DONSON: variants seen among roughly 807,000 people sequenced by gnomAD.
DONSON encodes the protein DNA replication fork stabilization factor DONSON.
Under a neutral mutation model 62.1 loss-of-function variants are expected in DONSON, and 43 were observed. The observed-to-expected ratio is 0.69, with a 90% CI of 0.54 to 0.89. The LOEUF is 0.89. Ranked by LOEUF, DONSON falls within the 40% of genes least tolerant of loss-of-function variation. DONSON has a pLI of 0.00. For synonymous variants in DONSON, 266 were observed against 264.6 expected, an observed-to-expected ratio of 1.01 and a Z score of -0.05; for missense variants, 696 against 697.5, an observed-to-expected ratio of 1.00 and a Z score of 0.03.
At chr21:33,586,793 C>T (rs1016056389) in intron 2 of DONSON, among the ~76,000 whole-genome samples, 4 of 152,068 alleles carry the variant, frequency 2.6e-5, no homozygotes, top group Non-Finnish European at 5.9e-5. Flanking sequence ...CCCCACCACG[C>T]CTGGCTAATT....
intron 1 of DONSON, 143 bp downstream of exon 1, chr21:33,588,178 G>T: frequency 1.6e-6 from 1 of 623,032 alleles, no homozygotes; most frequent in Non-Finnish European, 2.3e-6. Context: ...CTCCCAGGGC[G>T]GGGTACCCTA....
chr21:33,578,349 C>G lies in DONSON; in HGVS notation c.1659G>C (p.Arg553=), dbSNP rs758034238. The G allele has an allele frequency of 1.2e-6, 2 of 1,614,040 alleles. No individual in the cohort carries two copies. The highest frequency in any genetic ancestry group is 1.7e-6 in the Non-Finnish European group (2 of 1,179,960). ...AAATGTAGTCTCTCAGCACCACATT[C>G]CGTAAAGATGATTTCCCAAGTAACG... ...QIPLLGKSSL[R]NVVLRDYIYN... Residue 553 remains arginine (R), a synonymous_variant, in exon 10 of 10, where the codon CGG becomes CGC. Transcript: ENST00000303071.
chr21:33,581,432 T>C lies in DONSON; in HGVS notation c.1220A>G (p.Asn407Ser), dbSNP rs2086510115. 3.7e-6 allele frequency: 6 copies of C among 1,613,984 alleles called. No homozygotes were observed. The African/African-American group carries it at 6.7e-5, about 18-fold the overall frequency. Reference sequence around the variant, plus strand: ...CAAAAAATTGAGCAATGTAAAGGTGTTGATTCCTTTTACCAACACAACAGA... The same window carrying C: ...CAAAAAATTGAGCAATGTAAAGGTGCTGATTCCTTTTACCAACACAACAGA... ...PESVVLVKGI[N>S]TFTLLNFLIN... Residue 407 changes from asparagine (N) to serine (S), a missense_variant, in exon 8 of 10, where the codon AAC (asparagine) becomes AGC (serine). By Grantham distance (46) the Asn-to-Ser change is conservative. Coordinates refer to ENST00000303071, the MANE Select transcript of DONSON (RefSeq NM_017613.4).
At position 33,588,472 on chromosome 21, in the gene DONSON, G is replaced by T; in HGVS notation, c.170C>A (p.Pro57His). 1 of 1,278,292 alleles carries T rather than the reference G, an allele frequency of 7.8e-7. No homozygotes were observed. Among genetic ancestry groups the T allele is most frequent in the Non-Finnish European group, 9.9e-7 (1 of 1,013,904 alleles). 79.2% of individuals were successfully genotyped at this position (1,278,292 alleles called of 1,614,324 possible). ...GCCTCTGCCCCCCGCAGCAGGGAAAGGGCGAAGAGGCAGCCCCGCCACCAG... is the reference window on the plus strand; with the variant it reads ...GCCTCTGCCCCCCGCAGCAGGGAAATGGCGAAGAGGCAGCCCCGCCACCAG... ...AALVAGLPLR[P>H]FPAAGGRGGG... Residue 57 changes from proline (P) to histidine (H), a missense_variant, in exon 1 of 10, where the codon CCT becomes CAT. Physicochemically the swap from Pro to His is moderately conservative, Grantham distance 77. Coordinates refer to ENST00000303071, the MANE Select transcript of DONSON (RefSeq NM_017613.4).
At chr21:33,586,260 G>A in intron 2 of DONSON, 79 bp from the exon 3 acceptor site, 1 of 1,150,744 alleles carries the variant, frequency 8.7e-7, no homozygotes, top group Non-Finnish European at 1.3e-6. Context: ...CAGCTAACAT[G>A]ATCACTGAAA....
intron 2 of DONSON, among the ~76,000 whole-genome samples, chr21:33,586,737 C>T (rs2086581285): frequency 6.6e-6 from 1 of 151,934 alleles, no homozygotes; most frequent in African/African-American, 2.4e-5. Flanking sequence ...TAGGATCAAG[C>T]GATTCTCGTG....
At position 33,581,442 on chromosome 21, in the gene DONSON, T is replaced by G. The variant is rs1231497130; in HGVS notation, c.1210A>C (p.Lys404Gln). 3.1e-6 allele frequency: 5 copies of G among 1,613,924 alleles called. No homozygotes were observed. The highest frequency in any genetic ancestry group is 4.2e-6 in the Non-Finnish European group (5 of 1,179,924). ...AGCAATGTAAAGGTGTTGATTCCTTTTACCAACACAACAGATTCAGGTCTG... is the reference window on the plus strand; with the variant it reads ...AGCAATGTAAAGGTGTTGATTCCTTGTACCAACACAACAGATTCAGGTCTG... ...DHRPESVVLV[K>Q]GINTFTLLNF... Residue 404 changes from lysine to glutamine, a missense_variant, in exon 8 of 10, where the codon AAA becomes CAA. Lys to Gln is a moderately conservative substitution (Grantham distance 53). Coordinates refer to ENST00000303071, the MANE Select transcript of DONSON (RefSeq NM_017613.4).
Position 33,578,249 on chromosome 21 carries a change from A to C in DONSON, c.*58T>G. On this transcript the variant is annotated 3_prime_UTR_variant, in exon 10 of 10. Coordinates refer to ENST00000303071, the MANE Select transcript of DONSON (RefSeq NM_017613.4). ...TATTCCTTCAACTTCAAGAATCTTG[A>C]ATTTCCTTGCTAGAAGGCTTTTTTC... 1 of 1,558,866 alleles carries C rather than the reference A, an allele frequency of 6.4e-7. No individual in the cohort carries two copies. The highest frequency in any genetic ancestry group is 8.7e-7 in the Non-Finnish European group (1 of 1,147,852).
rs770754614 is a variant in DONSON, at chr21:33,587,651, G to T, written c.322-49C>A. On this transcript the variant is annotated intron_variant, in intron 1 of 9. Coordinates refer to ENST00000303071, the MANE Select transcript of DONSON (RefSeq NM_017613.4). Reference sequence around the variant, plus strand: ...TAAAATTTAAAGGATGCTGAAGTTTGCGTTAAATATGTACAGAGCCTCACC... The same window carrying T: ...TAAAATTTAAAGGATGCTGAAGTTTTCGTTAAATATGTACAGAGCCTCACC... 16 of 1,346,242 alleles carry T rather than the reference G, an allele frequency of 1.2e-5. No homozygotes were observed. The Middle Eastern group carries it at 9.5e-4, about 80-fold the overall frequency. The allele number at this position is 1,346,242 out of a possible 1,614,324, so 83.4% of individuals were successfully genotyped here.
chr21:33,581,837 A>T, intron 7 of DONSON, 114 bp downstream of exon 7: 1 of 945,390 alleles, frequency 1.1e-6, no homozygotes, highest in Non-Finnish European at 1.6e-6. Flanking sequence ...AATTAGTTTT[A>T]ATATGACCTG....
rs753040226 is a variant in DONSON at position 33,588,572 on chromosome 21, T to C, written c.70A>G (p.Lys24Glu). 7.2e-6 allele frequency: 9 copies of C among 1,254,640 alleles called. No individual in the cohort carries two copies. The South Asian group carries it at 2.1e-4, about 29-fold the overall frequency. The allele number at this position is 1,254,640 out of a possible 1,614,324, so 77.7% of individuals were successfully genotyped here. ...KPPEVVRLRRKRARSRGAAAS... is the reference protein window; with the variant it reads ...KPPEVVRLRRERARSRGAAAS... ...GCAGCTCCACGGCTCCGGGCCCTTT[T>C]CCGTCGGAGCCGCACTACCTCGGGC... is the stretch of plus-strand genomic sequence containing the variant. Residue 24 changes from lysine to glutamate, a missense_variant, in exon 1 of 10, where the codon AAA (lysine) becomes GAA (glutamate). By Grantham distance (56) the Lys-to-Glu change is moderately conservative. Transcript: ENST00000303071.
At chr21:33,580,756 C>T (rs2086498600) in intron 8 of DONSON, among the ~76,000 whole-genome samples, 1 of 151,950 alleles carries the variant, frequency 6.6e-6, no homozygotes, top group South Asian at 2.1e-4. Context: ...GTGGTGCCCA[C>T]CTGTAACCCC....
chr21:33,588,631 G>C lies in DONSON; in HGVS notation c.11C>G (p.Ser4Trp), dbSNP rs1470564008. 8.1e-7 allele frequency: 1 copy of C among 1,239,966 alleles called. No homozygotes were observed. The highest frequency in any genetic ancestry group is 1.6e-5 in the African/African-American group (1 of 64,088). The allele number at this position is 1,239,966 out of a possible 1,614,324, so 76.8% of individuals were successfully genotyped here. Reference protein sequence around the residue: MALSVPGYSPGFRK... With the variant: MALWVPGYSPGFRK... ...GAAGCCCGGTGAGTAGCCGGGCACC[G>C]AAAGGGCCATGACGCGCGGCGGCTG... The change falls in exon 1 of 10, where the codon TCG (serine) becomes TGG (tryptophan). Residue 4 changes from serine to tryptophan, a missense_variant. By Grantham distance (177) the Ser-to-Trp change is radical. Coordinates refer to ENST00000303071, the MANE Select transcript of DONSON (RefSeq NM_017613.4).
At position 33,577,601 on chromosome 21, in the gene DONSON, CCCTACACA is replaced by C. The variant is rs2086431764; in HGVS notation, c.*698_*705del. 9.0e-6 allele frequency: 1 copy of C among 111,684 alleles called. No individual in the cohort carries two copies. The highest frequency in any genetic ancestry group is 3.4e-5 in the African/African-American group (1 of 29,246). The allele number at this position is 111,684 out of a possible 1,614,324, so 6.9% of individuals were successfully genotyped here. A position where few individuals can be genotyped will look rare whatever the true frequency, so the allele number is the denominator to read the frequency against. ...TAAAAATGTGAATTATACAGTCCCC[CCCTACACA>C]CACACACACACACACACACACACAC... On this transcript the variant is annotated 3_prime_UTR_variant, in exon 10 of 10. Coordinates refer to ENST00000303071, the MANE Select transcript of DONSON (RefSeq NM_017613.4).
chr21:33,588,671 C>A lies in DONSON; in HGVS notation c.-30G>T, dbSNP rs2086611466. ...CGCGGCGGCTGAGGGTAGCCGGCCG[C>A]CCTACAGAGACTTCCCGCGCGCGCC... On this transcript the variant is annotated 5_prime_UTR_variant, in exon 1 of 10. Coordinates refer to ENST00000303071, the MANE Select transcript of DONSON (RefSeq NM_017613.4). 2 of 1,226,706 alleles carry A rather than the reference C, an allele frequency of 1.6e-6. No homozygotes were observed. Among genetic ancestry groups the A allele is most frequent in the Non-Finnish European group, 2.0e-6 (2 of 984,098 alleles). 76.0% of individuals were successfully genotyped at this position (1,226,706 alleles called of 1,614,324 possible).
intron 9 of DONSON, among the ~76,000 whole-genome samples, chr21:33,579,094 G>A (rs900650510): frequency 3.0e-4 from 45 of 150,908 alleles, no homozygotes; most frequent in African/African-American, 1.0e-3. Flanking sequence ...GCCGAGACTC[G>A]CGCCGCTGCA....
intron 3 of DONSON, among the ~76,000 whole-genome samples, chr21:33,585,678 TTTGTA>T (rs1274408939): frequency 1.0e-4 from 15 of 149,452 alleles, no homozygotes; most frequent in African/African-American, 3.3e-4. Flanking sequence ...CACTTCTTTC[TTTGTA>T]TTTTCTTTCT....
At position 33,588,418 on chromosome 21, in the gene DONSON, GC is replaced by G; in HGVS notation, c.223del (p.Ala75LeufsTer35). ...GGGSGGGPAA[A>X]RRNPFARLDN... is the part of the protein sequence containing the mutation. Reference sequence around the variant, plus strand: ...CAGGCGGGCGAAGGGGTTCCTCCGAGCAGCGGCCGGGCCGCCGCCGCTGCCA... The same window carrying G: ...CAGGCGGGCGAAGGGGTTCCTCCGAGAGCGGCCGGGCCGCCGCCGCTGCCA... On this transcript the variant is annotated frameshift_variant, in exon 1 of 10. Coordinates refer to ENST00000303071, the MANE Select transcript of DONSON (RefSeq NM_017613.4). LOFTEE classifies it high-confidence loss of function. The G allele has an allele frequency of 7.6e-7, 1 of 1,309,096 alleles. No homozygotes were observed. Among genetic ancestry groups the G allele is most frequent in the South Asian group, 2.3e-5 (1 of 43,982 alleles). The allele number at this position is 1,309,096 out of a possible 1,614,324, so 81.1% of individuals were successfully genotyped here. A position where few individuals can be genotyped will look rare whatever the true frequency, so the allele number is the denominator to read the frequency against.
chr21:33,584,502 T>A (rs2086556300), intron 4 of DONSON, 88 bp downstream of exon 4: 5 of 1,285,196 alleles, frequency 3.9e-6, no homozygotes, highest in Admixed American at 4.6e-5. Context: ...CCTTCTGCCA[T>A]TAACGTATCC....
Sources: gnomAD v4.1 joint callset for allele counts (sites outside exome capture counted in the v4.1 genomes callset) on GRCh38, gnomAD v4.1.1 for gene constraint, MANE v1.5 for transcripts, NCBI Gene and HGNC (gene_info 2026-07-23, HGNC 2026-07-21) for gene names.